Variants in SCIN observed in about 807,000 individuals in gnomAD.
The protein encoded by SCIN is scinderin.
SCIN carries 91 observed loss-of-function variants against 91.8 expected under a neutral mutation model. The observed-to-expected ratio is 0.99, with a 90% CI of 0.84 to 1.18. The LOEUF is 1.18. Among genes scored for constraint, SCIN ranks in the 50% most tolerant of loss-of-function variants. The pLI, the probability that SCIN is intolerant of heterozygous loss-of-function variation, is 0.00. For missense variants in SCIN, 1,087 were observed against 863.9 expected (o/e 1.26, Z -3.24); for synonymous variants, 367 against 312.6 (o/e 1.17, Z -1.84).
At chr7:12,574,402 G>C (rs1203154909) in intron 1 of SCIN, among the ~76,000 whole-genome samples, 1 of 152,124 alleles carries the variant, frequency 6.6e-6, no homozygotes, top group Non-Finnish European at 1.5e-5. Context: ...GTGGGCAGGA[G>C]AAGAGTGTAT....
At position 12,570,755 on chromosome 7, in the gene SCIN, A is replaced by C. The variant is rs765652649; in HGVS notation, c.-32A>C. On this transcript the variant is annotated 5_prime_UTR_variant, in exon 1 of 16. Coordinates refer to ENST00000297029, the MANE Select transcript of SCIN (RefSeq NM_001112706.3). Reference sequence around the variant, plus strand: ...GGTTTAGTCCAAGATCAGCGATATCACGCGTCCCCCGGAGCATCGCGTGCA... The same window carrying C: ...GGTTTAGTCCAAGATCAGCGATATCCCGCGTCCCCCGGAGCATCGCGTGCA... The C allele has an allele frequency of 6.5e-7, 1 of 1,544,682 alleles. No individual in the cohort carries two copies. Among genetic ancestry groups the C allele is most frequent in the South Asian group, 1.2e-5 (1 of 83,554 alleles).
chr7:12,657,557 TATATATATATATATA>T lies in SCIN; in HGVS notation c.*4843_*4857del, dbSNP rs1296174575. 4.4e-4 allele frequency: 13 copies of T among 29,706 alleles called. No homozygotes were observed. The highest frequency in any genetic ancestry group is 1.1e-3 in the Non-Finnish European group (10 of 9,232). 1.8% of individuals were successfully genotyped at this position (29,706 alleles called of 1,614,324 possible). A position where few individuals can be genotyped will look rare whatever the true frequency, so the allele number is the denominator to read the frequency against. ...GTGTGTGTATATATATATATATATA[TATATATATATATATA>T]TTTTTTTTTTTTTTTTTTTTTTTTT... is the stretch of plus-strand genomic sequence containing the variant. On this transcript the variant is annotated 3_prime_UTR_variant, in exon 16 of 16. Coordinates refer to ENST00000297029, the MANE Select transcript of SCIN (RefSeq NM_001112706.3).
chr7:12,615,282 T>A (rs1243028233), intron 4 of SCIN, among the ~76,000 whole-genome samples: 1 of 152,158 alleles, frequency 6.6e-6, no homozygotes, highest in East Asian at 1.9e-4. Context: ...CATCTGTAAT[T>A]GTAATCCCCA....
chr7:12,649,683 G>A, intron 14 of SCIN, 139 bp downstream of exon 14: 2 of 459,632 alleles, frequency 4.4e-6, no homozygotes, highest in Non-Finnish European at 7.6e-6. Context: ...ACACACATTT[G>A]GTAAAAAATG....
chr7:12,610,990 C>T (rs1050606459), intron 4 of SCIN: 1 of 152,216 alleles, frequency 6.6e-6, no homozygotes, highest in African/African-American at 2.4e-5. Flanking sequence ...CTTTTAGAAT[C>T]CAGCAGCCAC....
chr7:12,589,650 C>T (rs778314291), intron 3 of SCIN: 4 of 152,156 alleles, frequency 2.6e-5, no homozygotes, highest in Non-Finnish European at 5.9e-5. Context: ...ATCTAAACCT[C>T]GATGGTTTTG....
At chr7:12,628,550 C>T (rs992961063) in intron 8 of SCIN, among the ~76,000 whole-genome samples, 6 of 152,118 alleles carry the variant, frequency 3.9e-5, no homozygotes, top group Non-Finnish European at 8.8e-5. Context: ...AATTACCTCC[C>T]AAAGGTCCCA....
At chr7:12,630,979 A>T (rs1006024079) in intron 9 of SCIN, among the ~76,000 whole-genome samples, 2 of 152,158 alleles carry the variant, frequency 1.3e-5, no homozygotes, top group African/African-American at 4.8e-5. Context: ...ATTTTATTTC[A>T]TGGTCTTCCT....
At chr7:12,615,013 T>A (rs1783269952) in intron 4 of SCIN, among the ~76,000 whole-genome samples, 1 of 152,134 alleles carries the variant, frequency 6.6e-6, no homozygotes, top group East Asian at 1.9e-4. Context: ...GTAACTTGCT[T>A]AAGTAGAAAT....
Position 12,658,041 on chromosome 7 carries a change from A to T in SCIN, c.*5326A>T, listed in dbSNP as rs929334107. On this transcript the variant is annotated 3_prime_UTR_variant, in exon 16 of 16. Coordinates refer to ENST00000297029, the MANE Select transcript of SCIN (RefSeq NM_001112706.3). Reference sequence around the variant, plus strand: ...AATGTCTCATCATAAATTGTTTTCCATTATTTCTGTGCTGATTGCAAACAA... The same window carrying T: ...AATGTCTCATCATAAATTGTTTTCCTTTATTTCTGTGCTGATTGCAAACAA... 1.1e-4 allele frequency: 17 copies of T among 152,158 alleles called. No individual in the cohort carries two copies. Among genetic ancestry groups the T allele is most frequent in the Non-Finnish European group, 2.4e-4 (16 of 68,018 alleles). The allele number at this position is 152,158 out of a possible 1,614,324, so 9.4% of individuals were successfully genotyped here. A position where few individuals can be genotyped will look rare whatever the true frequency, so the allele number is the denominator to read the frequency against.
At chr7:12,645,682 C>T (rs1783952120) in intron 13 of SCIN, among the ~76,000 whole-genome samples, 1 of 152,098 alleles carries the variant, frequency 6.6e-6, no homozygotes. Context: ...GTGTGTTGTT[C>T]CTCTCTATGT....
intron 9 of SCIN, 57 bp downstream of exon 9, chr7:12,629,279 G>T: frequency 6.5e-7 from 1 of 1,539,772 alleles, no homozygotes; most frequent in Non-Finnish European, 8.8e-7. Context: ...TTGCTCCAAA[G>T]TATTAAATTC....
intron 9 of SCIN, among the ~76,000 whole-genome samples, chr7:12,631,914 C>T (rs1313672784): frequency 6.6e-6 from 1 of 151,988 alleles, no homozygotes; most frequent in Non-Finnish European, 1.5e-5. Context: ...ATCTACTCGT[C>T]ATAGAGTATG....
Position 12,657,961 on chromosome 7 carries a change from TATTTA to T in SCIN, c.*5247_*5251del, listed in dbSNP as rs1414958291. 1 of 152,300 alleles carries T rather than the reference TATTTA, an allele frequency of 6.6e-6. No homozygotes were observed. The highest frequency in any genetic ancestry group is 1.9e-4 in the East Asian group (1 of 5,178). The allele number at this position is 152,300 out of a possible 1,614,324, so 9.4% of individuals were successfully genotyped here. ...TTAGTTAACATGACAAACTCCATCT[TATTTA>T]GAGAGATTATTTTTGATGTTATTAT... On this transcript the variant is annotated 3_prime_UTR_variant, in exon 16 of 16. Transcript: ENST00000297029.
Position 12,656,454 on chromosome 7 carries a change from A to C in SCIN, c.*3739A>C, listed in dbSNP as rs1784163997. 1 of 152,184 alleles carries C rather than the reference A, an allele frequency of 6.6e-6. No individual in the cohort carries two copies. Among genetic ancestry groups the C allele is most frequent in the Non-Finnish European group, 1.5e-5 (1 of 68,048 alleles). The allele number at this position is 152,184 out of a possible 1,614,324, so 9.4% of individuals were successfully genotyped here. On this transcript the variant is annotated 3_prime_UTR_variant, in exon 16 of 16. Transcript: ENST00000297029. The stretch of plus-strand genomic sequence containing the variant: ...TAAACCTAATTTATTTATTTTAAAC[A>C]TTTATTTTAAACCTAATTCATTTGA...
chr7:12,625,984 G>C (rs572470220), intron 7 of SCIN, 134 bp downstream of exon 7: 295 of 599,050 alleles, frequency 4.9e-4, no homozygotes, highest in Middle Eastern at 1.6e-3. Flanking sequence ...CCTGTCTGCT[G>C]CAATCTGGTG....
chr7:12,644,074 G>T, intron 11 of SCIN, 64 bp from the exon 12 acceptor site: 3 of 1,437,256 alleles, frequency 2.1e-6, no homozygotes, highest in Non-Finnish European at 2.9e-6. Context: ...CAGCTTCTGG[G>T]ACATGTTTAT....
intron 5 of SCIN, among the ~76,000 whole-genome samples, chr7:12,624,285 G>A (rs186102157): frequency 2.0e-5 from 3 of 152,272 alleles, no homozygotes; most frequent in Non-Finnish European, 4.4e-5. Context: ...CTAAACTGTA[G>A]CATACAAGCT....
Position 12,657,484 on chromosome 7 carries a change from C to G in SCIN, c.*4769C>G, listed in dbSNP as rs1784182632. The stretch of plus-strand genomic sequence containing the variant: ...TTGGCCTCCCAATATGCTGGGATTA[C>G]AGGCATGAGCCACCGCATCTGGACA... On this transcript the variant is annotated 3_prime_UTR_variant, in exon 16 of 16. Transcript: ENST00000297029. The G allele has an allele frequency of 7.2e-6, 1 of 138,806 alleles. No homozygotes were observed. The highest frequency in any genetic ancestry group is 2.6e-5 in the African/African-American group (1 of 38,268). 8.6% of individuals were successfully genotyped at this position (138,806 alleles called of 1,614,324 possible).
Sources: gnomAD v4.1 joint callset for allele counts (sites outside exome capture counted in the v4.1 genomes callset) on GRCh38, gnomAD v4.1.1 for gene constraint, MANE v1.5 for transcripts, NCBI Gene and HGNC (gene_info 2026-07-23, HGNC 2026-07-21) for gene names.